NDST1: variants seen among roughly 807,000 people sequenced by gnomAD.
NDST1 encodes bifunctional heparan sulfate N-deacetylase/N-sulfotransferase 1.
Under a neutral mutation model 92.8 loss-of-function variants are expected in NDST1, and 35 were observed. The observed-to-expected ratio is 0.38, with a 90% confidence interval of 0.29 to 0.50. NDST1 has a LOEUF of 0.50. Among genes scored for constraint, NDST1 ranks in the 20% least tolerant of loss-of-function variants. The pLI, the probability that NDST1 is intolerant of heterozygous loss-of-function variation, is 0.94. For missense variants in NDST1, 822 were observed against 1,182.7 expected, an observed-to-expected ratio of 0.69 and a Z score of 4.47; for synonymous variants, 493 against 500.3, an observed-to-expected ratio of 0.99 and a Z score of 0.19.
At chr5:150,532,410 G>C (rs1049517632) in intron 3 of NDST1, among the ~76,000 whole-genome samples, 3 of 152,234 alleles carry the variant, frequency 2.0e-5, no homozygotes, top group Admixed American at 2.0e-4. Context: ...GAGGCCTGGC[G>C]GACGGCAGCA....
At chr5:150,545,530 C>T (rs773629363) in intron 11 of NDST1, 44 bp downstream of exon 11, 1 of 1,599,204 alleles carries the variant, frequency 6.3e-7, no homozygotes. Context: ...GAACACAGGG[C>T]TCCGTCTGAC....
Position 150,521,306 on chromosome 5 carries a change from G to T in NDST1, c.52G>T (p.Ala18Ser). 6.2e-7 allele frequency: 1 copy of T among 1,613,006 alleles called. No individual in the cohort carries two copies. The highest frequency in any genetic ancestry group is 1.3e-5 in the African/African-American group (1 of 75,042). The part of the protein sequence containing the change: ...RRLCRHVSPQ[A>S]VLFLLFIFCL... ...GCTGTGTCGGCACGTGTCCCCGCAG[G>T]CTGTCCTTTTCCTGCTGTTCATCTT... Residue 18 changes from alanine (A) to serine (S), a missense_variant, in exon 2 of 15, where the codon GCT (alanine) becomes TCT (serine). Physicochemically the swap from Ala to Ser is moderately conservative, Grantham distance 99. Transcript: ENST00000261797. The surrounding 1 kb of genome is among the most constrained non-coding windows in gnomAD (Gnocchi z 5.9).
In NDST1 at chr5:150,548,384, A is replaced by G. The variant is rs1405734782; in HGVS notation, c.2312A>G (p.Asn771Ser). The change falls in exon 12 of 15, where the codon AAC (asparagine) becomes AGC (serine). Residue 771 changes from asparagine to serine, a missense_variant. By Grantham distance (46) the Asn-to-Ser change is conservative. Transcript: ENST00000261797. ...IERWLSAYHA[N>S]QILVLDGKLL... ...CGCTGGCTCAGTGCCTATCACGCCAACCAGGTAGCTGCTGTCCCTGACCCT... is the reference window on the plus strand; with the variant it reads ...CGCTGGCTCAGTGCCTATCACGCCAGCCAGGTAGCTGCTGTCCCTGACCCT... 6.2e-7 allele frequency: 1 copy of G among 1,611,212 alleles called. No individual in the cohort carries two copies. The highest frequency in any genetic ancestry group is 8.5e-7 in the Non-Finnish European group (1 of 1,180,012).
intron 2 of NDST1, among the ~76,000 whole-genome samples, chr5:150,525,892 A>G (rs1028098675): frequency 2.0e-5 from 3 of 152,108 alleles, no homozygotes; most frequent in Non-Finnish European, 4.4e-5. Context: ...CAGCAGCCAC[A>G]TGGATCTTTT....
chr5:150,539,918 C>G, intron 7 of NDST1, 164 bp from the exon 8 acceptor site: 1 of 739,892 alleles, frequency 1.4e-6, no homozygotes, highest in African/African-American at 1.9e-5. Context: ...CGTCTGTCAC[C>G]TCATCCAAGT....
Position 150,542,946 on chromosome 5 carries a change from C to T in NDST1, c.1945C>T (p.His649Tyr). 2 of 1,614,116 alleles carry T rather than the reference C, an allele frequency of 1.2e-6. No homozygotes were observed. The highest frequency in any genetic ancestry group is 1.1e-5 in the South Asian group (1 of 91,084). The change falls in exon 10 of 15, where the codon CAC becomes TAC. Residue 649 changes from histidine (H) to tyrosine (Y), a missense_variant. Physicochemically the swap from His to Tyr is moderately conservative, Grantham distance 83. Transcript: ENST00000261797. ...TFEEIQFFNG[H>Y]NYHKGIDWYM... ...TGAGGAGATCCAGTTTTTTAATGGC[C>T]ACAACTATCACAAAGGCATCGACTG...
chr5:150,502,154 T>C lies in NDST1; in HGVS notation c.-388+3915T>C, dbSNP rs555670433. Among the ~76,000 whole-genome samples the C allele has an allele frequency of 2.3e-3, 349 of 151,882 alleles. 2 individuals are homozygous for C. Among genetic ancestry groups the C allele is most frequent in the South Asian group, 5.4e-3 (26 of 4,790 alleles). ...CGGGCCCGATGTGAGGACTGACTGG[T>C]TTGGGTACACATTTTAGAGAGACTG... On this transcript the variant is annotated intron_variant, in intron 1 of 1. Coordinates refer to the NDST1 transcript ENST00000518299.
At chr5:150,545,228 C>T in intron 10 of NDST1, 84 bp from the exon 11 acceptor site, 3 of 1,493,082 alleles carry the variant, frequency 2.0e-6, no homozygotes, top group Non-Finnish European at 2.8e-6. Flanking sequence ...ACATTCTACC[C>T]CAGTGCCTCG....
chr5:150,526,308 C>G (rs1412843136), intron 2 of NDST1, among the ~76,000 whole-genome samples: 1 of 152,210 alleles, frequency 6.6e-6, no homozygotes, highest in Non-Finnish European at 1.5e-5. Context: ...GAATGTCTCT[C>G]TTCCCTCCTT....
At chr5:150,535,476 A>T (rs921627441) in intron 5 of NDST1, 2 of 861,882 alleles carry the variant, frequency 2.3e-6, no homozygotes, top group African/African-American at 3.7e-5. Context: ...ACCAAGAGTC[A>T]GGAGACCTGG....
chr5:150,523,624 C>G (rs1262113861), intron 2 of NDST1, among the ~76,000 whole-genome samples: 1 of 152,232 alleles, frequency 6.6e-6, no homozygotes, highest in Non-Finnish European at 1.5e-5. Context: ...AGGAGCCTCA[C>G]ATACCACTTA....
intron 6 of NDST1, among the ~76,000 whole-genome samples, chr5:150,537,478 G>A (rs1755044919): frequency 1.3e-5 from 2 of 152,202 alleles, no homozygotes; most frequent in Admixed American, 1.3e-4. Flanking sequence ...GATAAGGGAT[G>A]AAATAAGCCC....
upstream of NDST1, among the ~76,000 whole-genome samples, chr5:150,506,464 T>A (rs1753462820): frequency 6.6e-6 from 1 of 152,164 alleles, no homozygotes; most frequent in Non-Finnish European, 1.5e-5. Flanking sequence ...CTGAGCCTAG[T>A]CCTGGGTGAG....
intron 11 of NDST1, among the ~76,000 whole-genome samples, chr5:150,546,083 C>G (rs1364028033): frequency 1.3e-5 from 2 of 150,834 alleles, no homozygotes; most frequent in Non-Finnish European, 1.5e-5. Context: ...CTGCAACATC[C>G]GCCTTCCAGT....
Position 150,527,092 on chromosome 5 carries a change from G to A in NDST1, c.514-712G>A, listed in dbSNP as rs555090553. Among the ~76,000 whole-genome samples the A allele has an allele frequency of 2.6e-5, 4 of 152,236 alleles. No homozygotes were observed. The South Asian group carries it at 6.2e-4, about 24-fold the overall frequency. On this transcript the variant is annotated intron_variant, in intron 2 of 14. Coordinates refer to ENST00000261797, the MANE Select transcript of NDST1 (RefSeq NM_001543.5). ...AGATGTCTCCTGAAGAAAAGGTTGCGTGGCCAGAGGCAGTTTGGAAACCCC... is the reference window on the plus strand; with the variant it reads ...AGATGTCTCCTGAAGAAAAGGTTGCATGGCCAGAGGCAGTTTGGAAACCCC...
In NDST1 at chr5:150,542,790, ACT is replaced by A. The variant is rs1416104899; in HGVS notation, c.1847-55_1847-54del. On this transcript the variant is annotated intron_variant, in intron 9 of 14. Transcript: ENST00000261797. ...GTGGGGAGCTAGGCCCAGAACCCAG[ACT>A]CTATCTTTTGGCTGGGGGCTGGGCC... is the stretch of plus-strand genomic sequence containing the variant. 2.5e-6 allele frequency: 4 copies of A among 1,612,118 alleles called. No individual in the cohort carries two copies. The Admixed American group carries it at 5.0e-5, about 20-fold the overall frequency.
chr5:150,502,266 G>A (rs1294616697), intron 1 of NDST1, among the ~76,000 whole-genome samples: 1 of 152,182 alleles, frequency 6.6e-6, no homozygotes, highest in African/African-American at 2.4e-5. Context: ...AGTGGTGGGT[G>A]GGGACGGCGG....
Position 150,553,785 on chromosome 5 carries a change from T to C in NDST1, c.*453T>C, listed in dbSNP as rs1755813168. ...GAGACAGACTGGACATTTCCCTGTT[T>C]CGAGCCAGGCTCTTCCAAGGGGCCA... On this transcript the variant is annotated 3_prime_UTR_variant, in exon 15 of 15. Transcript: ENST00000261797. The surrounding 1 kb of genome is among the most constrained non-coding windows in gnomAD (Gnocchi z 4.2). The C allele has an allele frequency of 2.3e-6, 1 of 429,902 alleles. No individual in the cohort carries two copies. Among genetic ancestry groups the C allele is most frequent in the South Asian group, 3.1e-5 (1 of 31,916 alleles). The allele number at this position is 429,902 out of a possible 1,614,324, so 26.6% of individuals were successfully genotyped here.
At chr5:150,533,693 C>T (rs962994769) in intron 4 of NDST1, among the ~76,000 whole-genome samples, 1 of 152,308 alleles carries the variant, frequency 6.6e-6, no homozygotes, top group African/African-American at 2.4e-5. Flanking sequence ...TTCAATAATT[C>T]AGCAGATGGA....
Sources: allele counts gnomAD v4.1 joint callset (sites outside exome capture counted in the v4.1 genomes callset), GRCh38; gene constraint gnomAD v4.1.1; non-coding constraint Gnocchi (gnomAD v3.1); transcripts MANE v1.5; gene names NCBI Gene and HGNC (gene_info 2026-07-23, HGNC 2026-07-21).